Variants in FBXO42 observed in about 807,000 individuals in gnomAD.
The protein encoded by FBXO42 is F-box only protein 42.
FBXO42 carries 12 observed loss-of-function variants against 71.7 expected under a neutral mutation model. That is an observed-to-expected ratio of 0.17 (90% CI 0.11 to 0.27). The LOEUF (loss-of-function observed/expected upper bound fraction) is 0.27. FBXO42 is among the 10% of genes least tolerant of loss of function. The pLI, the probability that FBXO42 is intolerant of heterozygous loss-of-function variation, is 1.00. For synonymous variants in FBXO42, 325 were observed against 327.5 expected (o/e 0.99, Z 0.08); for missense variants, 707 against 911.9 (o/e 0.78, Z 2.89).
At chr1:16,347,992 C>CAAAAAAAAAAAAA (rs541561756) in intron 1 of FBXO42, among the ~76,000 whole-genome samples, 3 of 67,726 alleles carry the variant, frequency 4.4e-5, no homozygotes, top group Admixed American at 3.3e-4. Context: ...GACTCCGTCT[C>CAAAAAAAAAAAAA]AAAAAAAAAA....
In FBXO42 at chr1:16,352,368, G is replaced by A. The variant is rs2082710552; in HGVS notation, c.-131C>T. On this transcript the variant is annotated 5_prime_UTR_variant, in exon 1 of 10. Coordinates refer to ENST00000375592, the MANE Select transcript of FBXO42 (RefSeq NM_018994.3). ...GCCTCAGGCCGCGACAGCCGTGCTC[G>A]GGGCTCCTCACAGCTGGCGGGACCC... 1 of 398,190 alleles carries A rather than the reference G, an allele frequency of 2.5e-6. No individual in the cohort carries two copies. Among genetic ancestry groups the A allele is most frequent in the South Asian group, 1.3e-4 (1 of 7,850 alleles). 24.7% of individuals were successfully genotyped at this position (398,190 alleles called of 1,614,324 possible). A position where few individuals can be genotyped will look rare whatever the true frequency, so the allele number is the denominator to read the frequency against.
At chr1:16,350,759 A>G (rs1371013924) in intron 1 of FBXO42, among the ~76,000 whole-genome samples, 3 of 132,450 alleles carry the variant, frequency 2.3e-5, no homozygotes, top group Admixed American at 1.5e-4. Context: ...AAAAAAAAAA[A>G]AGAAAGAAAG....
intron 4 of FBXO42, among the ~76,000 whole-genome samples, chr1:16,271,246 C>CGT (rs1417301371): frequency 1.5e-5 from 2 of 131,644 alleles, no homozygotes; most frequent in Non-Finnish European, 3.2e-5. Context: ...CTACTGTGTG[C>CGT]GTGTGTGTGT....
intron 1 of FBXO42, among the ~76,000 whole-genome samples, chr1:16,327,284 A>G (rs115925616): frequency 0.011 from 1,661 of 152,322 alleles, 31 homozygotes; most frequent in African/African-American, 0.037. Context: ...TTATGACCAA[A>G]AGCACAAAGC....
rs542710245 is a variant in FBXO42 at position 16,258,516 on chromosome 1, C to T, written c.503-1757G>A. Among the ~76,000 whole-genome samples the T allele has an allele frequency of 2.0e-5, 3 of 151,880 alleles. No individual in the cohort carries two copies. In the South Asian group the frequency reaches 6.2e-4, roughly 32 times the overall value. On this transcript the variant is annotated intron_variant, in intron 4 of 9. Transcript: ENST00000375592. ...GGAATACAGGCAAGCACCACCATGC[C>T]CGACTAATTTTTAAATTTTTTGTAG...
chr1:16,350,960 A>G (rs150961313), intron 1 of FBXO42, among the ~76,000 whole-genome samples: 1 of 152,252 alleles, frequency 6.6e-6, no homozygotes, highest in Non-Finnish European at 1.5e-5. Context: ...TAGAAAAGAC[A>G]CCCAATCAGA....
intron 4 of FBXO42, among the ~76,000 whole-genome samples, chr1:16,274,655 GA>G (rs2081881076): frequency 2.3e-5 from 3 of 132,498 alleles, no homozygotes; most frequent in African/African-American, 8.7e-5. Context: ...GCAGTGGCGT[GA>G]ACTTGGCTCA....
At position 16,308,741 on chromosome 1, in the gene FBXO42, T is replaced by G. The variant is rs891401160; in HGVS notation, c.251-2822A>C. On this transcript the variant is annotated intron_variant, in intron 2 of 9. Coordinates refer to ENST00000375592, the MANE Select transcript of FBXO42 (RefSeq NM_018994.3). ...CTCAGGCTGGGAGACCCCATCTCTGTTTTTTTTTTTTTTTTTTTTTTGAGA... is the reference window on the plus strand; with the variant it reads ...CTCAGGCTGGGAGACCCCATCTCTGGTTTTTTTTTTTTTTTTTTTTTGAGA... Among the ~76,000 whole-genome samples the G allele has an allele frequency of 1.1e-4, 5 of 46,430 alleles. No individual in the cohort carries two copies. The South Asian group carries it at 2.5e-3, about 23-fold the overall frequency. The allele number at this position is 46,430 out of a possible 152,430, so 30.5% of individuals were successfully genotyped here.
At chr1:16,334,205 G>A (rs569824235) in intron 1 of FBXO42, among the ~76,000 whole-genome samples, 104 of 152,160 alleles carry the variant, frequency 6.8e-4, no homozygotes, top group African/African-American at 2.1e-3. Context: ...AGGCCAAGGC[G>A]GGCAGATCAT....
chr1:16,313,721 T>G (rs911633905), intron 2 of FBXO42, among the ~76,000 whole-genome samples: 6 of 152,226 alleles, frequency 3.9e-5, no homozygotes, highest in Non-Finnish European at 8.8e-5. Flanking sequence ...CTGATTGATT[T>G]TGATCTAAAG....
At chr1:16,309,664 G>A (rs943774845) in intron 2 of FBXO42, among the ~76,000 whole-genome samples, 4 of 152,120 alleles carry the variant, frequency 2.6e-5, no homozygotes, top group Non-Finnish European at 5.9e-5. Context: ...GGGAGGCCAA[G>A]GTGGGAGGAT....
intron 6 of FBXO42, among the ~76,000 whole-genome samples, chr1:16,255,199 T>C (rs1046927802): frequency 2.6e-4 from 39 of 152,234 alleles, no homozygotes; most frequent in African/African-American, 8.9e-4. Flanking sequence ...GTCAAAGAGA[T>C]TCTATATAAC....
At chr1:16,274,841 C>T (rs2081883144) in intron 4 of FBXO42, among the ~76,000 whole-genome samples, 1 of 152,072 alleles carries the variant, frequency 6.6e-6, no homozygotes, top group Non-Finnish European at 1.5e-5. Flanking sequence ...CTGCCCGCCT[C>T]AGCCTCCCAC....
intron 4 of FBXO42, among the ~76,000 whole-genome samples, chr1:16,274,485 CTG>C (rs2081877271): frequency 6.6e-6 from 1 of 150,514 alleles, no homozygotes; most frequent in Non-Finnish European, 1.5e-5. Context: ...GATCACATGA[CTG>C]TATACATATG....
chr1:16,315,430 C>A lies in FBXO42; in HGVS notation c.-12G>T. On this transcript the variant is annotated 5_prime_UTR_variant, in exon 2 of 10. Coordinates refer to ENST00000375592, the MANE Select transcript of FBXO42 (RefSeq NM_018994.3). ...GAGGAGCTGGCCATGACATTCCACTCAACAGCTGTAATAGGTAAAACATAA... is the reference window on the plus strand; with the variant it reads ...GAGGAGCTGGCCATGACATTCCACTAAACAGCTGTAATAGGTAAAACATAA... The A allele has an allele frequency of 6.2e-7, 1 of 1,612,970 alleles. No individual in the cohort carries two copies. Among genetic ancestry groups the A allele is most frequent in the South Asian group, 1.1e-5 (1 of 90,856 alleles).
chr1:16,307,047 A>T (rs2082258659), intron 2 of FBXO42, among the ~76,000 whole-genome samples: 1 of 152,120 alleles, frequency 6.6e-6, no homozygotes, highest in African/African-American at 2.4e-5. Context: ...ATGCATCACC[A>T]TGCCCAGCTA....
chr1:16,255,195 G>A (rs1354874630), intron 6 of FBXO42, among the ~76,000 whole-genome samples: 2 of 152,172 alleles, frequency 1.3e-5, no homozygotes, highest in East Asian at 3.9e-4. Flanking sequence ...ATATGTCAAA[G>A]AGATTCTATA....
At chr1:16,273,845 C>T (rs1399668037) in intron 4 of FBXO42, among the ~76,000 whole-genome samples, 1 of 151,924 alleles carries the variant, frequency 6.6e-6, no homozygotes, top group Non-Finnish European at 1.5e-5. Flanking sequence ...TGCCACTGCA[C>T]ACTCCAGCCT....
chr1:16,339,374 A>T (rs962730350), intron 1 of FBXO42, among the ~76,000 whole-genome samples: 36 of 151,920 alleles, frequency 2.4e-4, no homozygotes, highest in Non-Finnish European at 1.6e-4. Flanking sequence ...ATGCAGTGGC[A>T]TGTTCTTGGC....
Sources: gnomAD v4.1 joint callset for allele counts (sites outside exome capture counted in the v4.1 genomes callset) on GRCh38, gnomAD v4.1.1 for gene constraint, MANE v1.5 for transcripts, NCBI Gene and HGNC (gene_info 2026-07-23, HGNC 2026-07-21) for gene names.